The following TTC13 variants were observed in gnomAD, a reference collection of about 807,000 sequenced individuals.
The protein encoded by TTC13 is tetratricopeptide repeat protein 13.
Under a neutral mutation model 120.0 loss-of-function variants are expected in TTC13, and 62 were observed. That is an observed-to-expected ratio of 0.52 (90% confidence interval 0.42 to 0.64). TTC13 has a LOEUF of 0.64. TTC13 is among the 30% of genes least tolerant of loss of function. The pLI, the probability that TTC13 is intolerant of heterozygous loss-of-function variation, is 0.00. For missense variants in TTC13, 824 were observed against 1,050.2 expected, an observed-to-expected ratio of 0.78 and a Z score of 2.98; for synonymous variants, 384 against 393.5, an observed-to-expected ratio of 0.98 and a Z score of 0.28.
Position 230,975,454 on chromosome 1 carries a change from A to T in TTC13, c.271+3106T>A, listed in dbSNP as rs78195255. Among the ~76,000 whole-genome samples, 632 of 152,314 alleles carry T rather than the reference A, an allele frequency of 4.1e-3. 1 individual carries two copies. The highest frequency in any genetic ancestry group is 0.014 in the Middle Eastern group (4 of 294). Reference sequence around the variant, plus strand: ...ATTGCAGAGTGTTTATGACAATATAACTAAAAAAGTGAGGAAAGAATTGGA... The same window carrying T: ...ATTGCAGAGTGTTTATGACAATATATCTAAAAAAGTGAGGAAAGAATTGGA... On this transcript the variant is annotated intron_variant, in intron 1 of 22. Transcript: ENST00000366661.
chr1:230,978,769 C>A lies in TTC13; in HGVS notation c.62G>T (p.Gly21Val). Residue 21 changes from glycine to valine, a missense_variant, in exon 1 of 23, where the codon GGC becomes GTC. Transcript: ENST00000366661. This position sits in a 1 kb window ranked among gnomAD's most constrained non-coding sequence, Gnocchi z 5.6. ...CFWGGAVAAAGAARRVLLLLL... is the reference protein window; with the variant it reads ...CFWGGAVAAAVAARRVLLLLL... The stretch of plus-strand genomic sequence containing the variant: ...CAGCAGCAGGACACGCCGGGCGGCG[C>A]CCGCGGCGGCCACAGCGCCGCCCCA... The A allele has an allele frequency of 2.0e-6, 3 of 1,499,092 alleles. No homozygotes were observed. Among genetic ancestry groups the A allele is most frequent in the Non-Finnish European group, 1.8e-6 (2 of 1,133,606 alleles). 92.9% of individuals were successfully genotyped at this position (1,499,092 alleles called of 1,614,324 possible).
At chr1:230,924,344 G>GT (rs1672855616) in intron 14 of TTC13, among the ~76,000 whole-genome samples, 1 of 151,788 alleles carries the variant, frequency 6.6e-6, no homozygotes, top group African/African-American at 2.4e-5. Flanking sequence ...CGTTTTTTTT[G>GT]TTTTTTGAGA....
At position 230,908,995 on chromosome 1, in the gene TTC13, C is replaced by T; in HGVS notation, c.2335G>A (p.Gly779Arg). 6.2e-7 allele frequency: 1 copy of T among 1,614,130 alleles called. No homozygotes were observed. The highest frequency in any genetic ancestry group is 1.7e-5 in the Admixed American group (1 of 60,026). ...TCTTTTCCACTTGCCATCAGTGCTC[C>T]CACGATGACCGAGTAAGCAATTACA... is the stretch of plus-strand genomic sequence containing the variant. The part of the protein sequence containing the change: ...SSVIAYSVIV[G>R]ALMASGKEVA... The change falls in exon 21 of 23, where the codon GGA becomes AGA. Residue 779 changes from glycine to arginine, a missense_variant. Physicochemically the swap from Gly to Arg is moderately radical, Grantham distance 125 (BLOSUM62 -2). Transcript: ENST00000366661.
At chr1:230,970,979 A>G (rs1040023635) in intron 1 of TTC13, among the ~76,000 whole-genome samples, 3 of 152,174 alleles carry the variant, frequency 2.0e-5, no homozygotes, top group Non-Finnish European at 4.4e-5. Flanking sequence ...TGAAAGAACT[A>G]CCTGAAGGCC....
At chr1:230,974,667 T>C (rs7413309) in intron 1 of TTC13, among the ~76,000 whole-genome samples, 49,980 of 152,100 alleles carry the variant, frequency 0.33, 8,470 homozygotes, top group Middle Eastern at 0.57. Flanking sequence ...TGTTGTTAAA[T>C]GGTATGTAAC....
rs1280126145 is a variant in TTC13, at chr1:230,967,733, AACTC to A, written c.272-6434_272-6431del. Among the ~76,000 whole-genome samples the A allele has an allele frequency of 3.9e-5, 6 of 152,358 alleles. No homozygotes were observed. The East Asian group carries it at 9.6e-4, about 24-fold the overall frequency. On this transcript the variant is annotated intron_variant, in intron 1 of 22. Coordinates refer to ENST00000366661, the MANE Select transcript of TTC13 (RefSeq NM_024525.5). ...TTTGTTCTTCGATCTTAAAATATTT[AACTC>A]ACTATGGCTTTAATTACTTTACTAT...
intron 6 of TTC13, among the ~76,000 whole-genome samples, chr1:230,941,551 T>C (rs1046924087): frequency 3.3e-5 from 5 of 152,200 alleles, no homozygotes; most frequent in African/African-American, 7.2e-5. Flanking sequence ...AATCCTCCTG[T>C]GTTGGCCTCC....
intron 19 of TTC13, among the ~76,000 whole-genome samples, 197 bp downstream of exon 19, chr1:230,912,426 A>G (rs1344135074): frequency 6.6e-6 from 1 of 152,186 alleles, no homozygotes; most frequent in Non-Finnish European, 1.5e-5. Context: ...GTACTAAATT[A>G]TTAATTTATT....
Position 230,921,474 on chromosome 1 carries a change from T to G in TTC13, c.1845A>C (p.Glu615Asp). The change falls in exon 16 of 23, where the codon GAA (glutamate) becomes GAC (aspartate). Residue 615 changes from glutamate (E) to aspartate (D), a missense_variant. Physicochemically the swap from Glu to Asp is conservative, Grantham distance 45 (BLOSUM62 2). Around this residue, in one of 4 missense-constraint regions of TTC13, gnomAD observed 430 missense variants for 626.8 expected, o/e 0.69. Transcript: ENST00000366661. ...TAAAATGAAGTATTTTCTCAAAATA[T>G]TCTAGGTATCTCATGTTGATCACCT... is the stretch of plus-strand genomic sequence containing the variant. The part of the protein sequence containing the change: ...RGQVINMRYL[E>D]YFEKILHFIK... The G allele has an allele frequency of 6.5e-7, 1 of 1,550,286 alleles. No homozygotes were observed. The highest frequency in any genetic ancestry group is 8.8e-7 in the Non-Finnish European group (1 of 1,140,454).
intron 11 of TTC13, 118 bp downstream of exon 11, chr1:230,931,180 G>T: frequency 1.0e-6 from 1 of 979,120 alleles, no homozygotes; most frequent in Non-Finnish European, 1.5e-6. Context: ...GGCTGTGGAT[G>T]AGTCACCTGG....
chr1:230,937,783 G>A (rs1020721370), intron 8 of TTC13, among the ~76,000 whole-genome samples: 3 of 152,168 alleles, frequency 2.0e-5, no homozygotes, highest in African/African-American at 7.2e-5. Flanking sequence ...AGCTTACAAA[G>A]TACTTTTCAC....
chr1:230,965,620 TAC>T (rs1193170463), intron 1 of TTC13, among the ~76,000 whole-genome samples: 1 of 152,172 alleles, frequency 6.6e-6, no homozygotes, highest in African/African-American at 2.4e-5. Context: ...CACTGCTGGG[TAC>T]ATACCCAAAA....
Position 230,944,431 on chromosome 1 carries a change from A to C in TTC13, c.580-533T>G, listed in dbSNP as rs1674798590. 1.3e-5 allele frequency among the ~76,000 whole-genome samples: 2 copies of C among 152,226 alleles called. No individual in the cohort carries two copies. Among genetic ancestry groups the C allele is most frequent in the South Asian group, 4.1e-4 (2 of 4,832 alleles). On this transcript the variant is annotated intron_variant, in intron 5 of 22. Transcript: ENST00000366661. The surrounding 1 kb of genome is among the most constrained non-coding windows in gnomAD (Gnocchi z 4.0). ...ATTTAATCTCAAGATATATAATTTT[A>C]AAAGATGAGAATTAGGAAGAGGCAG...
At chr1:230,925,705 A>G (rs1672991287) in intron 12 of TTC13, 58 bp from the exon 13 acceptor site, 1 of 1,592,930 alleles carries the variant, frequency 6.3e-7, no homozygotes, top group South Asian at 1.1e-5. Context: ...TGGTAATCCA[A>G]TTCCACCTGA....
At chr1:230,962,468 T>A (rs1468299145) in intron 1 of TTC13, among the ~76,000 whole-genome samples, 1 of 152,138 alleles carries the variant, frequency 6.6e-6, no homozygotes, top group Non-Finnish European at 1.5e-5. Context: ...GTAGCAAGAA[T>A]GTAGAAAAAT....
Position 230,954,378 on chromosome 1 carries a change from A to G in TTC13, c.468T>C (p.Ser156=), listed in dbSNP as rs765895802. Residue 156 remains serine, a synonymous_variant, in exon 4 of 23, where the codon AGT becomes AGC. Coordinates refer to ENST00000366661, the MANE Select transcript of TTC13 (RefSeq NM_024525.5). ...GCCGTATTGCTTCATCATACAGACCACTGCCAATCAAGACATAAGCAATAG... is the reference window on the plus strand; with the variant it reads ...GCCGTATTGCTTCATCATACAGACCGCTGCCAATCAAGACATAAGCAATAG... The part of the protein sequence containing the change: ...ELAIAYVLIG[S]GLYDEAIRHF... The G allele has an allele frequency of 4.5e-5, 73 of 1,612,514 alleles. 1 individual carries two copies. In the South Asian group the frequency reaches 7.8e-4, roughly 17 times the overall value.
chr1:230,928,250 A>C (rs1673214219), intron 12 of TTC13, among the ~76,000 whole-genome samples: 1 of 152,198 alleles, frequency 6.6e-6, no homozygotes, highest in Non-Finnish European at 1.5e-5. Context: ...CTGAACTTCC[A>C]ATCCATGAAC....
rs574635825 is a variant in TTC13 at position 230,922,641 on chromosome 1, C to T, written c.1815-1137G>A. Among the ~76,000 whole-genome samples, 3 of 152,326 alleles carry T rather than the reference C, an allele frequency of 2.0e-5. No individual in the cohort carries two copies. In the East Asian group the frequency reaches 5.8e-4, roughly 29 times the overall value. ...GTCACAGTTTCCTGACCATACCTAA[C>T]TCATCCATGGGTCCAAGTTAATCAC... On this transcript the variant is annotated intron_variant, in intron 15 of 22. Transcript: ENST00000366661.
At chr1:230,949,765 C>T (rs1249463500) in intron 4 of TTC13, among the ~76,000 whole-genome samples, 1 of 152,200 alleles carries the variant, frequency 6.6e-6, no homozygotes, top group African/African-American at 2.4e-5. Context: ...CCCGCCTCAG[C>T]CTCCTGAGTA....
Sources: gnomAD v4.1 joint callset for allele counts (sites outside exome capture counted in the v4.1 genomes callset) on GRCh38, gnomAD v4.1.1 for gene constraint, gnomAD v4.1.1 regional missense constraint, Gnocchi (gnomAD v3.1) non-coding constraint, MANE v1.5 for transcripts, NCBI Gene and HGNC (gene_info 2026-07-23, HGNC 2026-07-21) for gene names.